UNC79: variants seen among roughly 807,000 people sequenced by gnomAD.
The protein encoded by UNC79 is unc-79 subunit of NALCN channel complex.
In UNC79, 37 loss-of-function variants were observed where a neutral mutation model predicts 283.1. That is an observed-to-expected ratio of 0.13 (90% CI 0.10 to 0.17). The LOEUF (loss-of-function observed/expected upper bound fraction) is 0.17, where lower values mean the gene tolerates loss of function less well. Among genes scored for constraint, UNC79 ranks in the 10% least tolerant of loss-of-function variants. The pLI, the probability that UNC79 is intolerant of heterozygous loss-of-function variation, is 1.00. For missense variants in UNC79, 2,272 were observed against 3,211.1 expected, an observed-to-expected ratio of 0.71 and a Z score of 7.07; for synonymous variants, 1,107 against 1,200.2, an observed-to-expected ratio of 0.92 and a Z score of 1.61.
intron 41 of UNC79, among the ~76,000 whole-genome samples, chr14:93,678,370 A>G (rs148774936): frequency 0.026 from 3,937 of 152,322 alleles, 69 homozygotes; most frequent in South Asian, 0.062. Context: ...TGTTGCTCCA[A>G]TGTTGCATTT....
intron 3 of UNC79, among the ~76,000 whole-genome samples, chr14:93,476,201 T>C (rs1211069464): frequency 6.6e-6 from 1 of 151,602 alleles, no homozygotes; most frequent in African/African-American, 2.4e-5. Flanking sequence ...GACCGGAGGC[T>C]GTGTCTTGCT....
chr14:93,572,648 A>C (rs1162983280), intron 15 of UNC79, 45 bp from the exon 16 acceptor site: 2 of 1,610,524 alleles, frequency 1.2e-6, no homozygotes, highest in Non-Finnish European at 1.7e-6. Flanking sequence ...AGTAGAACCC[A>C]ATCTATGCCC....
chr14:93,421,972 A>C (rs971026053), intron 1 of UNC79, among the ~76,000 whole-genome samples: 7 of 151,792 alleles, frequency 4.6e-5, no homozygotes. Flanking sequence ...TTCATGATAA[A>C]AACTCTTATA....
chr14:93,597,297 G>T, intron 23 of UNC79, 62 bp from the exon 24 acceptor site: 4 of 1,537,238 alleles, frequency 2.6e-6, no homozygotes, highest in Non-Finnish European at 3.6e-6. Context: ...AAATAAATGT[G>T]TATGCGTGTG....
Position 93,563,649 on chromosome 14 carries a change from G to A in UNC79, c.1756-8245G>A, listed in dbSNP as rs551556922. Among the ~76,000 whole-genome samples the A allele has an allele frequency of 2.6e-5, 4 of 152,258 alleles. No homozygotes were observed. In the East Asian group the frequency reaches 7.7e-4, roughly 29 times the overall value. ...GCTTTTGCTGGTGAGTGGCGATTAG[G>A]CCTGGTGGAACTGCCATCAATAAAC... On this transcript the variant is annotated intron_variant, in intron 14 of 48. Transcript: ENST00000555664.
intron 16 of UNC79, among the ~76,000 whole-genome samples, chr14:93,574,776 G>A (rs759611446): frequency 6.6e-6 from 1 of 151,996 alleles, no homozygotes; most frequent in Non-Finnish European, 1.5e-5. Context: ...CACTAGTGGT[G>A]GGTATGGAGA....
At chr14:93,681,840 A>G (rs544117411) in intron 41 of UNC79, among the ~76,000 whole-genome samples, 1 of 152,370 alleles carries the variant, frequency 6.6e-6, no homozygotes, top group East Asian at 1.9e-4. Context: ...TCTGTAATGA[A>G]GCAAATTAAA....
At chr14:93,364,686 A>C (rs1448311456) in intron 1 of UNC79, among the ~76,000 whole-genome samples, 2 of 151,086 alleles carry the variant, frequency 1.3e-5, no homozygotes. Context: ...CTGGCTTAAA[A>C]AAATAACTTT....
chr14:93,550,983 C>T (rs2061862858), intron 14 of UNC79, among the ~76,000 whole-genome samples: 1 of 152,066 alleles, frequency 6.6e-6, no homozygotes, highest in Non-Finnish European at 1.5e-5. Context: ...CACAAGAATC[C>T]CCGAGCTGGT....
At chr14:93,397,434 C>G (rs996336099) in intron 1 of UNC79, among the ~76,000 whole-genome samples, 6 of 152,168 alleles carry the variant, frequency 3.9e-5, no homozygotes, top group Non-Finnish European at 8.8e-5. Flanking sequence ...TTAAAGAAAC[C>G]CCAACTTGAT....
At chr14:93,600,223 AAACAAC>A (rs529025652) in intron 24 of UNC79, among the ~76,000 whole-genome samples, 1 of 152,000 alleles carries the variant, frequency 6.6e-6, no homozygotes, top group South Asian at 2.1e-4. Context: ...AGAAACAAAC[AAACAAC>A]AACAACAACA....
chr14:93,612,244 T>G (rs1407609559), intron 26 of UNC79, among the ~76,000 whole-genome samples: 1 of 152,238 alleles, frequency 6.6e-6, no homozygotes, highest in Non-Finnish European at 1.5e-5. Flanking sequence ...GCTATTTCAT[T>G]TAAAGAGTGC....
intron 34 of UNC79, among the ~76,000 whole-genome samples, chr14:93,644,354 G>A (rs917332527): frequency 6.6e-6 from 1 of 152,194 alleles, no homozygotes; most frequent in Admixed American, 6.5e-5. Context: ...ATAACAAACT[G>A]TAGTCTTAGC....
At chr14:93,593,895 C>T (rs1017649060) in intron 23 of UNC79, 58 bp downstream of exon 23, 11 of 1,473,132 alleles carry the variant, frequency 7.5e-6, no homozygotes, top group Admixed American at 4.8e-5. Context: ...GGTGTCTGGT[C>T]ACGGCATCTT....
At position 93,413,131 on chromosome 14, in the gene UNC79, C is replaced by T. The variant is rs912159585; in HGVS notation, c.-350-54540C>T. On this transcript the variant is annotated intron_variant, in intron 1 of 49. Transcript: ENST00000256339. ...ATGTGCCATGCTGGTGTGCTGCACC[C>T]GTTAACTCATCATTTAGCATTAGGT... 1.1e-4 allele frequency among the ~76,000 whole-genome samples: 17 copies of T among 151,834 alleles called. No homozygotes were observed. In the East Asian group the frequency reaches 2.3e-3, roughly 21 times the overall value.
chr14:93,633,699 C>T (rs2140109535), intron 31 of UNC79, among the ~76,000 whole-genome samples: 1 of 152,318 alleles, frequency 6.6e-6, no homozygotes, highest in Non-Finnish European at 1.5e-5. Flanking sequence ...GAGGAGACTG[C>T]TTTCCAACTC....
At chr14:93,406,420 A>T (rs1278405291) in intron 1 of UNC79, among the ~76,000 whole-genome samples, 2 of 151,802 alleles carry the variant, frequency 1.3e-5, no homozygotes, top group Middle Eastern at 6.8e-3. Flanking sequence ...CCATATCTTT[A>T]AAAAAAAGAA....
chr14:93,380,603 T>G (rs2054646785), intron 1 of UNC79, among the ~76,000 whole-genome samples: 1 of 152,220 alleles, frequency 6.6e-6, no homozygotes, highest in Non-Finnish European at 1.5e-5. Flanking sequence ...GTAAGAGCTT[T>G]GTTTGTGTGC....
In UNC79 at chr14:93,643,102, C is replaced by G. The variant is rs546987418; in HGVS notation, c.5904-455C>G. On this transcript the variant is annotated intron_variant, in intron 33 of 48. Coordinates refer to ENST00000555664, the Ensembl canonical transcript of UNC79. Reference sequence around the variant, plus strand: ...TTCTGTAGACTTGACTACCCTGTCTCTTACCCACAAATAGAACATTTTCTG... The same window carrying G: ...TTCTGTAGACTTGACTACCCTGTCTGTTACCCACAAATAGAACATTTTCTG... Among the ~76,000 whole-genome samples the G allele has an allele frequency of 5.9e-5, 9 of 152,332 alleles. No individual in the cohort carries two copies. In the South Asian group the frequency reaches 1.7e-3, roughly 28 times the overall value.
Sources: gnomAD v4.1 joint callset for allele counts (sites outside exome capture counted in the v4.1 genomes callset) on GRCh38, gnomAD v4.1.1 for gene constraint, MANE v1.5 for transcripts, NCBI Gene and HGNC (gene_info 2026-07-23, HGNC 2026-07-21) for gene names.